The following APBA2 variants were observed in gnomAD, a reference collection of about 807,000 sequenced individuals.
APBA2 encodes the protein amyloid-beta A4 precursor protein-binding family A member 2.
In APBA2, 30 loss-of-function variants were observed where a neutral mutation model predicts 75.0. That is an observed-to-expected ratio of 0.40 (90% confidence interval 0.30 to 0.54). The LOEUF (loss-of-function observed/expected upper bound fraction) is 0.54. Among genes scored for constraint, APBA2 ranks in the 20% least tolerant of loss-of-function variants. APBA2 has a pLI of 0.49. For missense variants in APBA2, 801 were observed against 1,016.1 expected (o/e 0.79, Z 2.88); for synonymous variants, 444 against 409.6 (o/e 1.08, Z -1.01).
chr15:28,953,456 C>A (rs1454773328), intron 2 of APBA2, among the ~76,000 whole-genome samples: 1 of 151,830 alleles, frequency 6.6e-6, no homozygotes, highest in African/African-American at 2.4e-5. Context: ...CTTTGTTTTG[C>A]TGTAGAACTT....
At chr15:29,055,192 G>C (rs2041827531) in intron 4 of APBA2, among the ~76,000 whole-genome samples, 1 of 152,162 alleles carries the variant, frequency 6.6e-6, no homozygotes, top group Admixed American at 6.5e-5. Context: ...CAATCCTCAG[G>C]GGTGTACTCA....
At chr15:28,973,956 A>G (rs1205825306) in intron 2 of APBA2, among the ~76,000 whole-genome samples, 1 of 152,240 alleles carries the variant, frequency 6.6e-6, no homozygotes, top group African/African-American at 2.4e-5. Flanking sequence ...CACACGGTCA[A>G]TATAACACTA....
chr15:28,974,986 A>G (rs1566862167), intron 2 of APBA2, among the ~76,000 whole-genome samples: 2 of 152,296 alleles, frequency 1.3e-5, no homozygotes, highest in South Asian at 2.1e-4. Context: ...AATCAAGTGG[A>G]CAAACCTCTG....
intron 2 of APBA2, among the ~76,000 whole-genome samples, chr15:28,994,461 C>G (rs61298076): frequency 6.6e-6 from 1 of 152,108 alleles, no homozygotes; most frequent in African/African-American, 2.4e-5. Flanking sequence ...GCACCATAGC[C>G]TGGGAAAGAA....
chr15:29,107,706 G>A (rs1467153364), intron 12 of APBA2, among the ~76,000 whole-genome samples: 1 of 152,150 alleles, frequency 6.6e-6, no homozygotes, highest in Non-Finnish European at 1.5e-5. Context: ...CTCCCAGGTG[G>A]AGGCTTGGGT....
At chr15:29,101,480 C>A in intron 9 of APBA2, 119 bp from the exon 10 acceptor site, 1 of 1,090,790 alleles carries the variant, frequency 9.2e-7, no homozygotes, top group Non-Finnish European at 1.4e-6. Context: ...GATCTGCCTG[C>A]CTCGGCCTCC....
chr15:29,030,354 C>T (rs556732783), intron 3 of APBA2, among the ~76,000 whole-genome samples: 22 of 151,946 alleles, frequency 1.4e-4, no homozygotes, highest in African/African-American at 3.9e-4. Flanking sequence ...CCCAGCTACT[C>T]GGGAGGCTGA....
At chr15:28,935,944 T>A (rs2034841495) in intron 2 of APBA2, among the ~76,000 whole-genome samples, 1 of 151,978 alleles carries the variant, frequency 6.6e-6, no homozygotes, top group African/African-American at 2.4e-5. Context: ...CACACCAGAG[T>A]GGTGAAATGC....
chr15:28,948,636 C>T (rs892070273), intron 2 of APBA2, among the ~76,000 whole-genome samples: 22 of 152,268 alleles, frequency 1.4e-4, no homozygotes, highest in Middle Eastern at 3.4e-3. Flanking sequence ...TTTCTTCTGT[C>T]GTGTTCTGTC....
chr15:29,073,353 A>G (rs2042709657), intron 4 of APBA2, among the ~76,000 whole-genome samples: 2 of 152,270 alleles, frequency 1.3e-5, no homozygotes, highest in East Asian at 1.9e-4. Context: ...AATTAGGTAA[A>G]TGTAACTTTT....
chr15:28,908,392 G>T (rs1364051529), intron 1 of APBA2, among the ~76,000 whole-genome samples: 1 of 150,808 alleles, frequency 6.6e-6, no homozygotes, highest in Non-Finnish European at 1.5e-5. Context: ...CTCACTGCAA[G>T]CTCCGCCTCC....
At chr15:29,110,963 G>A (rs1321070782) in intron 13 of APBA2, among the ~76,000 whole-genome samples, 1 of 152,096 alleles carries the variant, frequency 6.6e-6, no homozygotes, top group African/African-American at 2.4e-5. Flanking sequence ...TCCCAAAGAT[G>A]GGGCAAGGTG....
chr15:29,052,532 G>A (rs1343283317), intron 3 of APBA2, among the ~76,000 whole-genome samples: 1 of 151,530 alleles, frequency 6.6e-6, no homozygotes, highest in African/African-American at 2.4e-5. Context: ...CTAGCCCCTT[G>A]CTTTCCCCCA....
At chr15:29,079,330 T>C (rs1566981238) in intron 6 of APBA2, among the ~76,000 whole-genome samples, 1 of 152,120 alleles carries the variant, frequency 6.6e-6, no homozygotes, top group East Asian at 1.9e-4. Flanking sequence ...TGGACTCCCA[T>C]CAGAGAGTCC....
chr15:28,988,300 G>A (rs1595660607), intron 2 of APBA2, among the ~76,000 whole-genome samples: 1 of 145,982 alleles, frequency 6.9e-6, no homozygotes, highest in Non-Finnish European at 1.5e-5. Flanking sequence ...GTCTTGCTCT[G>A]TTGCCCAGGC....
chr15:29,102,018 G>A (rs1365557881), intron 10 of APBA2: 7 of 594,812 alleles, frequency 1.2e-5, no homozygotes, highest in Non-Finnish European at 2.1e-5. Context: ...TTGAGTTGTG[G>A]TTAAATATAT....
intron 3 of APBA2, among the ~76,000 whole-genome samples, chr15:29,041,473 AC>A (rs1426884488): frequency 6.7e-6 from 1 of 148,576 alleles, no homozygotes; most frequent in Non-Finnish European, 1.5e-5. Flanking sequence ...ACAGAGCAAG[AC>A]CCTGTCTCAG....
intron 2 of APBA2, among the ~76,000 whole-genome samples, chr15:28,994,940 T>A (rs1214681016): frequency 6.6e-6 from 1 of 152,200 alleles, no homozygotes; most frequent in African/African-American, 2.4e-5. Flanking sequence ...GAGGCTGTAT[T>A]ACTATCCTTT....
At chr15:28,893,194 G>A (rs139348189) in intron 1 of APBA2, among the ~76,000 whole-genome samples, 1,966 of 152,324 alleles carry the variant, frequency 0.013, 46 homozygotes, top group African/African-American at 0.043. Context: ...CCTGAGAAGG[G>A]CACGTGGAGA....
Sources: allele counts gnomAD v4.1 joint callset (sites outside exome capture counted in the v4.1 genomes callset), GRCh38; gene constraint gnomAD v4.1.1; transcripts MANE v1.5; gene names NCBI Gene and HGNC (gene_info 2026-07-23, HGNC 2026-07-21).